EFNA5: variants seen among roughly 807,000 people sequenced by gnomAD.
The protein encoded by EFNA5 is ephrin A5, also known as ephrin-A5.
In EFNA5, 5 loss-of-function variants were observed where a neutral mutation model predicts 22.9. The observed-to-expected ratio is 0.22, with a 90% CI of 0.11 to 0.46. The LOEUF is 0.46. Among genes scored for constraint, EFNA5 ranks in the 20% least tolerant of loss-of-function variants. The pLI is 0.99. For synonymous variants in EFNA5, 113 were observed against 112.2 expected (o/e 1.01, Z -0.04); for missense variants, 237 against 293.3 (o/e 0.81, Z 1.40).
rs571781996 is a variant in EFNA5, at chr5:107,547,123, C to T, written c.126-119614G>A. Among the ~76,000 whole-genome samples, 6 of 152,272 alleles carry T rather than the reference C, an allele frequency of 3.9e-5. No homozygotes were observed. In the South Asian group the frequency reaches 6.2e-4, roughly 16 times the overall value. On this transcript the variant is annotated intron_variant, in intron 1 of 4. Coordinates refer to ENST00000333274, the MANE Select transcript of EFNA5 (RefSeq NM_001962.3). ...GCAAAAGAAGTAGCTTTTTGTATTA[C>T]TTACTGTAGCTTCATTCGCCTACTG...
At chr5:107,649,383 G>A (rs1463951514) in intron 1 of EFNA5, among the ~76,000 whole-genome samples, 4 of 152,100 alleles carry the variant, frequency 2.6e-5, no homozygotes, top group African/African-American at 9.7e-5. Context: ...CTGGCAACAG[G>A]TAGCCAATAA....
At chr5:107,424,797 G>A (rs983027549) in intron 2 of EFNA5, among the ~76,000 whole-genome samples, 2 of 152,114 alleles carry the variant, frequency 1.3e-5, no homozygotes, top group African/African-American at 2.4e-5. Flanking sequence ...TACATTAAAC[G>A]TCTGTAAGAC....
At chr5:107,404,884 A>G (rs1458400481) in intron 2 of EFNA5, among the ~76,000 whole-genome samples, 1 of 152,226 alleles carries the variant, frequency 6.6e-6, no homozygotes. Context: ...AAAAAGCTGC[A>G]TGGTGATTTT....
At chr5:107,399,941 G>A (rs1274014092) in intron 2 of EFNA5, among the ~76,000 whole-genome samples, 2 of 152,084 alleles carry the variant, frequency 1.3e-5, no homozygotes, top group South Asian at 2.1e-4. Context: ...TGGAAAAATC[G>A]ACTTAGATTT....
At chr5:107,612,332 A>G (rs1398296617) in intron 1 of EFNA5, among the ~76,000 whole-genome samples, 2 of 152,110 alleles carry the variant, frequency 1.3e-5, no homozygotes, top group Non-Finnish European at 2.9e-5. Flanking sequence ...GAAATACATG[A>G]ATTATTGAGG....
chr5:107,392,197 C>T (rs961874118), intron 2 of EFNA5, among the ~76,000 whole-genome samples: 1 of 152,144 alleles, frequency 6.6e-6, no homozygotes, highest in Admixed American at 6.5e-5. Context: ...CCAGGTATCC[C>T]CACATTCCTG....
chr5:107,418,921 G>T (rs1389022559), intron 2 of EFNA5, among the ~76,000 whole-genome samples: 3 of 152,160 alleles, frequency 2.0e-5, no homozygotes, highest in African/African-American at 7.2e-5. Flanking sequence ...TCACTTAACA[G>T]GGCATGCATT....
Position 107,379,796 on chromosome 5 carries a change from A to G in EFNA5, c.*1459T>C, listed in dbSNP as rs1449580886. On this transcript the variant is annotated 3_prime_UTR_variant, in exon 5 of 5. Coordinates refer to ENST00000333274, the MANE Select transcript of EFNA5 (RefSeq NM_001962.3). Reference sequence around the variant, plus strand: ...AAACAAGATAGCCCCCATATTTCTAAATGTATCAAGGGATACCACTTTTTC... The same window carrying G: ...AAACAAGATAGCCCCCATATTTCTAGATGTATCAAGGGATACCACTTTTTC... 2.0e-5 allele frequency: 3 copies of G among 152,064 alleles called. No individual in the cohort carries two copies. Among genetic ancestry groups the G allele is most frequent in the Admixed American group, 6.6e-5 (1 of 15,254 alleles). 9.4% of individuals were successfully genotyped at this position (152,064 alleles called of 1,614,324 possible).
At chr5:107,551,034 T>C (rs1324584911) in intron 1 of EFNA5, among the ~76,000 whole-genome samples, 5 of 152,242 alleles carry the variant, frequency 3.3e-5, no homozygotes, top group African/African-American at 9.6e-5. Context: ...ATAAACTTTA[T>C]ATAGCACTTA....
intron 1 of EFNA5, among the ~76,000 whole-genome samples, chr5:107,631,969 C>G (rs1750263957): frequency 6.6e-6 from 1 of 152,324 alleles, no homozygotes; most frequent in African/African-American, 2.4e-5. Flanking sequence ...CGCTGTACCT[C>G]CCAGGAGATT....
intron 1 of EFNA5, among the ~76,000 whole-genome samples, chr5:107,495,246 G>T (rs1009177111): frequency 6.6e-6 from 1 of 152,122 alleles, no homozygotes; most frequent in Non-Finnish European, 1.5e-5. Context: ...CTCCACTCCT[G>T]AAGTCAGCGG....
At chr5:107,645,130 T>C (rs557575252) in intron 1 of EFNA5, among the ~76,000 whole-genome samples, 1 of 152,310 alleles carries the variant, frequency 6.6e-6, no homozygotes, top group East Asian at 1.9e-4. Context: ...CCACATGCAT[T>C]AGTTATTTAG....
intron 1 of EFNA5, among the ~76,000 whole-genome samples, chr5:107,451,937 T>C (rs963138019): frequency 1.3e-5 from 2 of 152,158 alleles, no homozygotes; most frequent in African/African-American, 4.8e-5. Flanking sequence ...ATGTTTATTG[T>C]AGTACTATTT....
In EFNA5 at chr5:107,376,970, G is replaced by C. The variant is rs1580407980; in HGVS notation, c.*4285C>G. On this transcript the variant is annotated 3_prime_UTR_variant, in exon 5 of 5. Coordinates refer to ENST00000333274, the MANE Select transcript of EFNA5 (RefSeq NM_001962.3). ...GTGTATATACAAATACAGATCGTAT[G>C]GGTTTGTTTGTGTGTGGGTTTTTTT... The C allele has an allele frequency of 6.6e-6, 1 of 151,222 alleles. No individual in the cohort carries two copies. Among genetic ancestry groups the C allele is most frequent in the South Asian group, 2.1e-4 (1 of 4,810 alleles). 9.4% of individuals were successfully genotyped at this position (151,222 alleles called of 1,614,324 possible). A position where few individuals can be genotyped will look rare whatever the true frequency, so the allele number is the denominator to read the frequency against.
intron 1 of EFNA5, among the ~76,000 whole-genome samples, chr5:107,592,887 C>T (rs932834905): frequency 4.6e-5 from 7 of 152,150 alleles, no homozygotes; most frequent in Admixed American, 3.9e-4. Flanking sequence ...ATTCAGCTCA[C>T]AAGCCATAGT....
intron 1 of EFNA5, among the ~76,000 whole-genome samples, chr5:107,456,372 G>A (rs183992914): frequency 7.2e-5 from 11 of 152,288 alleles, no homozygotes; most frequent in Middle Eastern, 3.4e-3. Flanking sequence ...TTAGGGTGGT[G>A]CAGATCAGCT....
chr5:107,383,222 C>G (rs1294812906), intron 4 of EFNA5, among the ~76,000 whole-genome samples: 2 of 152,138 alleles, frequency 1.3e-5, no homozygotes, highest in African/African-American at 4.8e-5. Context: ...TTTCCTGGAC[C>G]TTAGCGAATC....
intron 2 of EFNA5, among the ~76,000 whole-genome samples, chr5:107,419,238 G>A (rs535419454): frequency 1.3e-5 from 2 of 152,204 alleles, no homozygotes; most frequent in South Asian, 2.1e-4. Flanking sequence ...CCTCTTTCAT[G>A]TTCTTTATTT....
At chr5:107,430,003 C>G (rs1356768833) in intron 1 of EFNA5, among the ~76,000 whole-genome samples, 1 of 152,140 alleles carries the variant, frequency 6.6e-6, no homozygotes, top group African/African-American at 2.4e-5. Context: ...GAAATAAGGA[C>G]AAATTCTCAG....
Sources: allele counts gnomAD v4.1 joint callset (sites outside exome capture counted in the v4.1 genomes callset), GRCh38; gene constraint gnomAD v4.1.1; transcripts MANE v1.5; gene names NCBI Gene and HGNC (gene_info 2026-07-23, HGNC 2026-07-21).